Variants in JAZF1 observed in about 807,000 individuals in gnomAD.
The protein encoded by JAZF1 is JAZF zinc finger 1.
In JAZF1, 8 loss-of-function variants were observed where a neutral mutation model predicts 26.4. That is an observed-to-expected ratio of 0.30 (90% CI 0.18 to 0.55). The LOEUF is 0.55. Ranked by LOEUF, JAZF1 falls within the 20% of genes least tolerant of loss-of-function variation. JAZF1 has a pLI of 0.94. For missense variants in JAZF1, 199 were observed against 322.0 expected, an observed-to-expected ratio of 0.62 and a Z score of 2.92; for synonymous variants, 126 against 122.3, an observed-to-expected ratio of 1.03 and a Z score of -0.20.
chr7:28,014,214 G>A (rs761331033), intron 1 of JAZF1, among the ~76,000 whole-genome samples: 1 of 152,152 alleles, frequency 6.6e-6, no homozygotes, highest in African/African-American at 2.4e-5. Flanking sequence ...ATAGGAAAAT[G>A]CCAATTGCAT....
At position 27,913,873 on chromosome 7, in the gene JAZF1, G is replaced by A. The variant is rs117548275; in HGVS notation, c.189-18457C>T. Reference sequence around the variant, plus strand: ...CAAGCCCTGTATCCAGCTTTACCACGTGCTAGTTATATGCCTGTGATAAGC... The same window carrying A: ...CAAGCCCTGTATCCAGCTTTACCACATGCTAGTTATATGCCTGTGATAAGC... On this transcript the variant is annotated intron_variant, in intron 2 of 4. Coordinates refer to ENST00000283928, the MANE Select transcript of JAZF1 (RefSeq NM_175061.4). Among the ~76,000 whole-genome samples the A allele has an allele frequency of 1.3e-4, 20 of 152,290 alleles. No homozygotes were observed. In the East Asian group the frequency reaches 3.7e-3, roughly 28 times the overall value.
At chr7:28,091,372 T>C (rs113482613) in intron 1 of JAZF1, among the ~76,000 whole-genome samples, 1 of 151,860 alleles carries the variant, frequency 6.6e-6, no homozygotes, top group African/African-American at 2.4e-5. Context: ...TTAAACTAGG[T>C]ATTTATGAGG....
intron 2 of JAZF1, chr7:27,914,819 C>T (rs1562527898): frequency 4.2e-6 from 2 of 471,162 alleles, no homozygotes; most frequent in Non-Finnish European, 4.4e-6. Flanking sequence ...CTACAGGAAA[C>T]AGCCTTCTGG....
intron 3 of JAZF1, among the ~76,000 whole-genome samples, chr7:27,893,006 A>C (rs1783998476): frequency 6.6e-6 from 1 of 152,170 alleles, no homozygotes; most frequent in African/African-American, 2.4e-5. Context: ...TCCCATACCT[A>C]ATCTGTCTTC....
chr7:27,901,962 C>T (rs939490407), intron 2 of JAZF1, among the ~76,000 whole-genome samples: 7 of 152,080 alleles, frequency 4.6e-5, no homozygotes, highest in East Asian at 1.9e-4. Context: ...CGACCTGGTG[C>T]GCTCACATGT....
At chr7:27,888,041 GT>G (rs1426800479) in intron 3 of JAZF1, among the ~76,000 whole-genome samples, 3 of 152,190 alleles carry the variant, frequency 2.0e-5, no homozygotes, top group African/African-American at 7.2e-5. Flanking sequence ...GGGTCTTTCA[GT>G]GACCTACAGA....
intron 2 of JAZF1, among the ~76,000 whole-genome samples, chr7:27,925,742 T>A (rs765963742): frequency 6.6e-6 from 1 of 152,262 alleles, no homozygotes; most frequent in Non-Finnish European, 1.5e-5. Context: ...CAATATTCAT[T>A]TGGATGTTGT....
At chr7:27,873,388 C>A (rs1783619456) in intron 3 of JAZF1, among the ~76,000 whole-genome samples, 1 of 152,206 alleles carries the variant, frequency 6.6e-6, no homozygotes, top group African/African-American at 2.4e-5. Context: ...CTCTATTAAA[C>A]ACAAATTCCT....
intron 1 of JAZF1, among the ~76,000 whole-genome samples, chr7:28,174,001 T>C (rs1201714626): frequency 6.6e-6 from 1 of 152,074 alleles, no homozygotes; most frequent in Non-Finnish European, 1.5e-5. Context: ...GAAGGCACTT[T>C]TAAAAAATAC....
intron 3 of JAZF1, among the ~76,000 whole-genome samples, chr7:27,873,308 G>C (rs900620836): frequency 3.3e-5 from 5 of 152,134 alleles, no homozygotes; most frequent in African/African-American, 1.2e-4. Flanking sequence ...CCTCCAAATA[G>C]CTGCAATCCA....
At chr7:28,060,631 G>A (rs1277528765) in intron 1 of JAZF1, among the ~76,000 whole-genome samples, 1 of 152,150 alleles carries the variant, frequency 6.6e-6, no homozygotes, top group East Asian at 1.9e-4. Context: ...CCTCCACATA[G>A]CTCTAAGGTT....
At position 27,951,519 on chromosome 7, in the gene JAZF1, C is replaced by T. The variant is rs901800986; in HGVS notation, c.188+40390G>A. On this transcript the variant is annotated intron_variant, in intron 2 of 4. Coordinates refer to ENST00000283928, the MANE Select transcript of JAZF1 (RefSeq NM_175061.4). ...TTCTGAAATGGTCATCTTTCCTGGG[C>T]GACCAGATTTGTTTTTATAGCTTCA... Among the ~76,000 whole-genome samples the T allele has an allele frequency of 3.3e-5, 5 of 152,106 alleles. No individual in the cohort carries two copies. The East Asian group carries it at 5.8e-4, about 18-fold the overall frequency.
intron 1 of JAZF1, among the ~76,000 whole-genome samples, chr7:28,086,638 A>G (rs1322499695): frequency 1.3e-5 from 2 of 152,244 alleles, no homozygotes; most frequent in Non-Finnish European, 2.9e-5. Flanking sequence ...GCATGAAAGA[A>G]AGAACTTTAC....
intron 2 of JAZF1, among the ~76,000 whole-genome samples, chr7:27,931,408 AAACAT>A (rs1013145332): frequency 6.6e-6 from 1 of 152,244 alleles, no homozygotes; most frequent in African/African-American, 2.4e-5. Context: ...TAAAAAAACA[AAACAT>A]AACAAAACAA....
intron 2 of JAZF1, among the ~76,000 whole-genome samples, chr7:27,931,121 G>C (rs1784683420): frequency 1.3e-5 from 2 of 152,214 alleles, no homozygotes; most frequent in Non-Finnish European, 2.9e-5. Context: ...ATTACATGTA[G>C]AGCATGGGTT....
intron 1 of JAZF1, among the ~76,000 whole-genome samples, chr7:28,110,618 A>AG (rs1303146301): frequency 1.4e-5 from 2 of 141,526 alleles, no homozygotes; most frequent in Non-Finnish European, 3.1e-5. Context: ...GGAAAGGAAA[A>AG]GGAAAGGAAA....
chr7:28,138,174 A>G (rs1442178633), intron 1 of JAZF1, among the ~76,000 whole-genome samples: 2 of 152,240 alleles, frequency 1.3e-5, no homozygotes. Context: ...ATTTATTACC[A>G]GAAGGGAATA....
chr7:28,057,796 C>T lies in JAZF1; in HGVS notation c.116-65815G>A, dbSNP rs147071276. 2.2e-3 allele frequency among the ~76,000 whole-genome samples: 333 copies of T among 152,280 alleles called. 2 individuals carry two copies. The highest frequency in any genetic ancestry group is 7.7e-3 in the African/African-American group (322 of 41,556). ...TAGATTTAAATCTCTGCCCTAACTGCAGTTACTAACATCATTTGTTTATGG... is the reference window on the plus strand; with the variant it reads ...TAGATTTAAATCTCTGCCCTAACTGTAGTTACTAACATCATTTGTTTATGG... On this transcript the variant is annotated intron_variant, in intron 1 of 4. Coordinates refer to ENST00000283928, the MANE Select transcript of JAZF1 (RefSeq NM_175061.4).
intron 1 of JAZF1, among the ~76,000 whole-genome samples, chr7:28,079,140 C>A (rs894038595): frequency 3.3e-5 from 5 of 152,084 alleles, no homozygotes; most frequent in African/African-American, 1.2e-4. Flanking sequence ...CAGGTGCCCA[C>A]CACCATGCCA....
Sources: allele counts gnomAD v4.1 joint callset (sites outside exome capture counted in the v4.1 genomes callset), GRCh38; gene constraint gnomAD v4.1.1; transcripts MANE v1.5; gene names NCBI Gene and HGNC (gene_info 2026-07-23, HGNC 2026-07-21).